Variants in SNRK observed in about 807,000 individuals in gnomAD.
SNRK encodes the protein SNF related kinase.
In SNRK, 3 loss-of-function variants were observed where a neutral mutation model predicts 48.2. That is an observed-to-expected ratio of 0.06 (90% CI 0.03 to 0.16). SNRK has a LOEUF of 0.16. Ranked by LOEUF, SNRK falls within the 10% of genes least tolerant of loss-of-function variation. The pLI is 1.00. For missense variants in SNRK, 627 were observed against 976.0 expected (o/e 0.64, Z 4.76); for synonymous variants, 376 against 366.1 (o/e 1.03, Z -0.31).
chr3:43,340,803 T>C (rs1308504171), intron 5 of SNRK: 1 of 330,900 alleles, frequency 3.0e-6, no homozygotes. Flanking sequence ...ATGTACCTTA[T>C]CTGTGGCACT....
chr3:43,337,719 AG>A (rs2091202199), intron 4 of SNRK, among the ~76,000 whole-genome samples: 1 of 152,188 alleles, frequency 6.6e-6, no homozygotes, highest in Non-Finnish European at 1.5e-5. Flanking sequence ...CAGAAAGTGA[AG>A]GGGAAGCAAG....
At position 43,348,693 on chromosome 3, in the gene SNRK, C is replaced by T. The variant is rs2091299432; in HGVS notation, c.*136C>T. ...ATTTATTACCTTTCCATTTGTTCGCCTGATGATGTGACAATGCATGGTCTT... is the reference window on the plus strand; with the variant it reads ...ATTTATTACCTTTCCATTTGTTCGCTTGATGATGTGACAATGCATGGTCTT... On this transcript the variant is annotated 3_prime_UTR_variant, in exon 7 of 7. Transcript: ENST00000296088. 2 of 947,038 alleles carry T rather than the reference C, an allele frequency of 2.1e-6. No individual in the cohort carries two copies. Among genetic ancestry groups the T allele is most frequent in the African/African-American group, 1.7e-5 (1 of 59,584 alleles). 58.7% of individuals were successfully genotyped at this position (947,038 alleles called of 1,614,324 possible). A position where few individuals can be genotyped will look rare whatever the true frequency, so the allele number is the denominator to read the frequency against.
In SNRK at chr3:43,349,547, A is replaced by G. The variant is rs2091306863; in HGVS notation, c.*990A>G. The G allele has an allele frequency of 6.6e-6, 1 of 152,224 alleles. No individual in the cohort carries two copies. The highest frequency in any genetic ancestry group is 2.1e-4 in the South Asian group (1 of 4,834). The allele number at this position is 152,224 out of a possible 1,614,324, so 9.4% of individuals were successfully genotyped here. A position where few individuals can be genotyped will look rare whatever the true frequency, so the allele number is the denominator to read the frequency against. ...TCTCTTTTGTTATTTTCATTCAGTT[A>G]TATCCTTTGGCTCAGCTAGCTTTGA... On this transcript the variant is annotated 3_prime_UTR_variant, in exon 7 of 7. Transcript: ENST00000296088.
In SNRK at chr3:43,347,930, T is replaced by C. The variant is rs201010640; in HGVS notation, c.1671T>C (p.Asp557=). ...DSESRRRLDK[D]SGFTYSWHRR... is the part of the protein sequence containing the mutation. ...AAAGCCGGCGGCGGCTCGATAAAGA[T>C]AGCGGGTTCACCTACTCCTGGCACC... Residue 557 remains aspartate (D), a synonymous_variant, in exon 7 of 7, where the codon GAT becomes GAC. Coordinates refer to ENST00000296088, the MANE Select transcript of SNRK (RefSeq NM_017719.5). This position sits in a 1 kb window ranked among gnomAD's most constrained non-coding sequence, Gnocchi z 5.4. 2.1e-5 allele frequency: 34 copies of C among 1,614,054 alleles called. No homozygotes were observed. Among genetic ancestry groups the C allele is most frequent in the African/African-American group, 6.7e-5 (5 of 75,014 alleles).
At chr3:43,328,775 CT>C (rs1010625257) in intron 3 of SNRK, among the ~76,000 whole-genome samples, 2 of 152,128 alleles carry the variant, frequency 1.3e-5, no homozygotes, top group Non-Finnish European at 2.9e-5. Context: ...CCTGCTTGAA[CT>C]TACCTACTGT....
rs1327795808 is a variant in SNRK, at chr3:43,321,613, AG to A, written c.590-10554del. ...TTCGTATTTCCAGCTGTCAGCTGATAGGTAACAGGGACCTCCTAAAGTCAAG... is the reference window on the plus strand; with the variant it reads ...TTCGTATTTCCAGCTGTCAGCTGATAGTAACAGGGACCTCCTAAAGTCAAG... On this transcript the variant is annotated intron_variant, in intron 3 of 6. Coordinates refer to ENST00000296088, the MANE Select transcript of SNRK (RefSeq NM_017719.5). Among the ~76,000 whole-genome samples the A allele has an allele frequency of 2.6e-5, 4 of 152,360 alleles. No individual in the cohort carries two copies. The East Asian group carries it at 7.7e-4, about 29-fold the overall frequency.
At position 43,332,297 on chromosome 3, in the gene SNRK, A is replaced by G. The variant is rs780104262; in HGVS notation, c.718A>G (p.Lys240Glu). The change falls in exon 4 of 7, where the codon AAA (lysine) becomes GAA (glutamate). Residue 240 changes from lysine to glutamate, a missense_variant. By Grantham distance (56) the Lys-to-Glu change is moderately conservative (BLOSUM62 1). Coordinates refer to ENST00000296088, the MANE Select transcript of SNRK (RefSeq NM_017719.5). ...ATATACAGTACCATCCCATGTGTCT[A>G]AAGAGTGTAAAGAGTAAGTAAAACA... ...CKYTVPSHVS[K>E]ECKDLITRML... is the part of the protein sequence containing the mutation. 4.1e-6 allele frequency: 6 copies of G among 1,466,252 alleles called. No individual in the cohort carries two copies. In the Admixed American group the frequency reaches 1.2e-4, roughly 29 times the overall value. The allele number at this position is 1,466,252 out of a possible 1,614,324, so 90.8% of individuals were successfully genotyped here.
chr3:43,300,998 C>G (rs946034333), intron 2 of SNRK, among the ~76,000 whole-genome samples: 6 of 152,216 alleles, frequency 3.9e-5, no homozygotes, highest in African/African-American at 1.4e-4. Context: ...GGCCAAGTTA[C>G]TGTGCCTCAA....
At chr3:43,305,282 A>G (rs1009006138) in intron 3 of SNRK, among the ~76,000 whole-genome samples, 1 of 152,130 alleles carries the variant, frequency 6.6e-6, no homozygotes, top group Non-Finnish European at 1.5e-5. Context: ...AGTAGCTCTC[A>G]CTTATGCATA....
At position 43,320,018 on chromosome 3, in the gene SNRK, TTGGA is replaced by T. The variant is rs528261158; in HGVS notation, c.590-12148_590-12145del. The stretch of plus-strand genomic sequence containing the variant: ...GAGAAACAAGTGGACCCGCAACTAT[TTGGA>T]TGAACACAAACAGTTTTGAAATAAG... On this transcript the variant is annotated intron_variant, in intron 3 of 6. Transcript: ENST00000296088. Among the ~76,000 whole-genome samples the T allele has an allele frequency of 9.8e-5, 15 of 152,318 alleles. No homozygotes were observed. The South Asian group carries it at 2.7e-3, about 27-fold the overall frequency.
At chr3:43,343,276 TC>T in intron 5 of SNRK, 67 bp from the exon 6 acceptor site, 1 of 1,500,090 alleles carries the variant, frequency 6.7e-7, no homozygotes, top group Non-Finnish European at 8.9e-7. Flanking sequence ...CTTTTAAAAA[TC>T]AATTCTGCTT....
intron 3 of SNRK, among the ~76,000 whole-genome samples, chr3:43,310,811 G>A (rs981485155): frequency 3.3e-5 from 5 of 152,134 alleles, no homozygotes. Flanking sequence ...ATTCGGTGGA[G>A]CATATTTTGT....
At chr3:43,320,210 AG>A (rs2091042988) in intron 3 of SNRK, among the ~76,000 whole-genome samples, 1 of 152,076 alleles carries the variant, frequency 6.6e-6, no homozygotes, top group Admixed American at 6.6e-5. Flanking sequence ...GGAAAATTGG[AG>A]GTAAGGTTAT....
At position 43,296,415 on chromosome 3, in the gene SNRK, C is replaced by CATATATATATATATATATATATAT. The variant is rs371078181; in HGVS notation, c.-168-3321_-168-3320insATATATATATATATATATATATAT. On this transcript the variant is annotated intron_variant, in intron 1 of 6. Transcript: ENST00000296088. ...TGTTTGTATTAGATGGATATACTGG[C>CATATATATATATATATATATATAT]ATATATATATATATATATGTATATA... Among the ~76,000 whole-genome samples the CATATATATATATATATATATATAT allele has an allele frequency of 3.0e-3, 377 of 127,106 alleles. 1 individual carries two copies. The highest frequency in any genetic ancestry group is 0.01 in the South Asian group (40 of 3,914). The allele number at this position is 127,106 out of a possible 152,430, so 83.4% of individuals were successfully genotyped here. A position where few individuals can be genotyped will look rare whatever the true frequency, so the allele number is the denominator to read the frequency against.
chr3:43,292,958 C>A (rs1429464311), intron 1 of SNRK, among the ~76,000 whole-genome samples: 1 of 152,056 alleles, frequency 6.6e-6, no homozygotes, highest in Non-Finnish European at 1.5e-5. Context: ...AACTGTAGGT[C>A]CTGTTTTCCT....
intron 3 of SNRK, among the ~76,000 whole-genome samples, chr3:43,309,842 G>GT (rs1450136162): frequency 2.0e-5 from 3 of 151,738 alleles, no homozygotes; most frequent in East Asian, 1.9e-4. Context: ...TCTTGATAAA[G>GT]TTTTTTTTGT....
Position 43,347,597 on chromosome 3 carries a change from AGAAGATGAAGAG to A in SNRK, c.1347_1358del (p.Glu451_Glu454del). ...GGCGGAAGTGTCTGTTCAGGGTGGAAGAAGATGAAGAGGAAGATGAGGAGGACAAGAAACCCA... is the reference window on the plus strand; with the variant it reads ...GGCGGAAGTGTCTGTTCAGGGTGGAAGAAGATGAGGAGGACAAGAAACCCA... On this transcript the variant is annotated inframe_deletion, in exon 7 of 7. Transcript: ENST00000296088. The surrounding 1 kb of genome is among the most constrained non-coding windows in gnomAD (Gnocchi z 5.4). The A allele has an allele frequency of 6.2e-7, 1 of 1,614,032 alleles. No homozygotes were observed. Among genetic ancestry groups the A allele is most frequent in the Non-Finnish European group, 8.5e-7 (1 of 1,180,010 alleles).
At chr3:43,337,543 C>A (rs974437705) in intron 4 of SNRK, among the ~76,000 whole-genome samples, 1 of 152,012 alleles carries the variant, frequency 6.6e-6, no homozygotes. Flanking sequence ...ACCACAGGTG[C>A]AAGCCACCAC....
At chr3:43,319,426 C>T (rs1388163605) in intron 3 of SNRK, among the ~76,000 whole-genome samples, 3 of 152,104 alleles carry the variant, frequency 2.0e-5, no homozygotes, top group South Asian at 4.1e-4. Context: ...ATCTCGGCAC[C>T]TGGAATGCAG....
Sources: gnomAD v4.1 joint callset for allele counts (sites outside exome capture counted in the v4.1 genomes callset) on GRCh38, gnomAD v4.1.1 for gene constraint, Gnocchi (gnomAD v3.1) non-coding constraint, MANE v1.5 for transcripts, NCBI Gene and HGNC (gene_info 2026-07-23, HGNC 2026-07-21) for gene names.